Variants in TAF3 observed in about 807,000 individuals in gnomAD.
The protein encoded by TAF3 is TATA-box binding protein associated factor 3, also known as transcription initiation factor TFIID subunit 3.
In TAF3, 7 loss-of-function variants were observed where a neutral mutation model predicts 80.6. The observed-to-expected ratio is 0.09, with a 90% CI of 0.05 to 0.16. TAF3 has a LOEUF of 0.16. TAF3 is among the 10% of genes least tolerant of loss of function. TAF3 has a pLI of 1.00. For synonymous variants in TAF3, 444 were observed against 446.1 expected, an observed-to-expected ratio of 1.00 and a Z score of 0.06; for missense variants, 921 against 1,140.2, an observed-to-expected ratio of 0.81 and a Z score of 2.77.
intron 2 of TAF3, among the ~76,000 whole-genome samples, chr10:7,929,259 G>GTTTT (rs35565870): frequency 6.8e-6 from 1 of 147,510 alleles, no homozygotes. Flanking sequence ...TTTTTTTGTT[G>GTTTT]TTTTTTTTTT....
chr10:8,007,196 A>G (rs11255477), intron 4 of TAF3, among the ~76,000 whole-genome samples: 11,207 of 152,224 alleles, frequency 0.074, 665 homozygotes, highest in African/African-American at 0.14. Context: ...ATGGAATACA[A>G]TATAGTAATT....
At chr10:7,977,427 C>T (rs1463614207) in intron 4 of TAF3, 104 bp downstream of exon 4, 1 of 1,009,160 alleles carries the variant, frequency 9.9e-7, no homozygotes, top group East Asian at 2.5e-5. Flanking sequence ...AGGTATGAAC[C>T]TGTAGGGTCA....
chr10:7,947,860 A>G (rs963869572), intron 2 of TAF3, among the ~76,000 whole-genome samples: 5 of 152,176 alleles, frequency 3.3e-5, no homozygotes, highest in African/African-American at 1.2e-4. Context: ...AGCCTCATCC[A>G]TCACATGGCT....
rs373176829 is a variant in TAF3 at position 7,977,236 on chromosome 10, C to T, written c.2233-5C>T. The T allele has an allele frequency of 3.4e-5, 55 of 1,613,926 alleles. No individual in the cohort carries two copies. The highest frequency in any genetic ancestry group is 4.4e-5 in the Non-Finnish European group (52 of 1,179,984). ...TATTGAACTTTAATGTGCTAACTTCCACAGATAAAAGTGGAACCAGTCGCT... is the reference window on the plus strand; with the variant it reads ...TATTGAACTTTAATGTGCTAACTTCTACAGATAAAAGTGGAACCAGTCGCT... On this transcript the variant is annotated splice_polypyrimidine_tract_variant and splice_region_variant and intron_variant, in intron 3 of 6. Transcript: ENST00000344293.
intron 2 of TAF3, among the ~76,000 whole-genome samples, chr10:7,881,191 ATAAC>A (rs146750831): frequency 0.2 from 30,852 of 151,056 alleles, 3,234 homozygotes; most frequent in Middle Eastern, 0.29. Context: ...AGCCATGAGT[ATAAC>A]TAACACTGCA....
At chr10:7,886,776 G>A (rs750632740) in intron 2 of TAF3, among the ~76,000 whole-genome samples, 4 of 152,104 alleles carry the variant, frequency 2.6e-5, no homozygotes, top group Non-Finnish European at 5.9e-5. Context: ...ATGCACTTTC[G>A]TATTTCTGTA....
At chr10:7,905,024 G>A (rs753765553) in intron 2 of TAF3, among the ~76,000 whole-genome samples, 18 of 152,030 alleles carry the variant, frequency 1.2e-4, no homozygotes, top group South Asian at 2.1e-4. Context: ...TCTTGTATCC[G>A]TGTCTCTTTG....
At chr10:7,829,905 A>G (rs1836781589) in intron 2 of TAF3, among the ~76,000 whole-genome samples, 1 of 152,190 alleles carries the variant, frequency 6.6e-6, no homozygotes, top group Admixed American at 6.5e-5. Context: ...TAAGATTTCT[A>G]TTTTTATTAT....
chr10:7,956,349 T>C (rs1399419823), intron 2 of TAF3, among the ~76,000 whole-genome samples: 2 of 151,868 alleles, frequency 1.3e-5, no homozygotes, highest in South Asian at 2.1e-4. Flanking sequence ...TAGCCAGACA[T>C]AGTGGCACGT....
In TAF3 at chr10:7,818,737, T is replaced by C; in HGVS notation, c.28T>C (p.Leu10=). Residue 10 remains leucine, a synonymous_variant, in exon 1 of 7, where the codon TTG becomes CTG. Transcript: ENST00000344293. ...GTGCGAGAGTTACTCCAGGTCGTTGTTGAGGGTCTCGGTGGCGCAGATCTG... is the reference window on the plus strand; with the variant it reads ...GTGCGAGAGTTACTCCAGGTCGTTGCTGAGGGTCTCGGTGGCGCAGATCTG... MCESYSRSL[L]RVSVAQICQA... is the part of the protein sequence containing the mutation. 6.2e-7 allele frequency: 1 copy of C among 1,606,130 alleles called. No homozygotes were observed. The highest frequency in any genetic ancestry group is 8.5e-7 in the Non-Finnish European group (1 of 1,178,192).
At chr10:7,851,985 T>C (rs1045274768) in intron 2 of TAF3, among the ~76,000 whole-genome samples, 1 of 151,832 alleles carries the variant, frequency 6.6e-6, no homozygotes, top group African/African-American at 2.4e-5. Flanking sequence ...CGTCTTGTCA[T>C]GTTGCCCAGG....
chr10:7,973,291 G>T (rs1478004681), intron 3 of TAF3, among the ~76,000 whole-genome samples: 1 of 152,174 alleles, frequency 6.6e-6, no homozygotes, highest in African/African-American at 2.4e-5. Context: ...TTAAAGGTAG[G>T]TCAAACAGCT....
At chr10:7,836,513 A>G (rs1836853786) in intron 2 of TAF3, among the ~76,000 whole-genome samples, 1 of 152,080 alleles carries the variant, frequency 6.6e-6, no homozygotes, top group Admixed American at 6.6e-5. Flanking sequence ...ACCTTGGGTG[A>G]TCTGCCCACC....
At chr10:7,853,106 A>G (rs193243727) in intron 2 of TAF3, among the ~76,000 whole-genome samples, 100 of 152,334 alleles carry the variant, frequency 6.6e-4, no homozygotes, top group Non-Finnish European at 9.3e-4. Context: ...GTGAGTTGGC[A>G]AATGTTGTTT....
intron 2 of TAF3, among the ~76,000 whole-genome samples, chr10:7,916,921 C>T (rs1198182995): frequency 6.6e-6 from 1 of 152,154 alleles, no homozygotes; most frequent in African/African-American, 2.4e-5. Flanking sequence ...GGTTCGTACT[C>T]AATTATTTTC....
At chr10:7,888,792 T>A (rs1837433533) in intron 2 of TAF3, among the ~76,000 whole-genome samples, 1 of 152,218 alleles carries the variant, frequency 6.6e-6, no homozygotes, top group Non-Finnish European at 1.5e-5. Context: ...ATTAGCCACG[T>A]TGTGCTTTTA....
At chr10:7,976,191 G>T (rs1304416422) in intron 3 of TAF3, among the ~76,000 whole-genome samples, 4 of 151,970 alleles carry the variant, frequency 2.6e-5, no homozygotes, top group Admixed American at 1.3e-4. Flanking sequence ...GGCAGCCATT[G>T]CCTTCACCAC....
At chr10:7,972,034 G>T (rs1831627871) in intron 3 of TAF3, among the ~76,000 whole-genome samples, 1 of 152,150 alleles carries the variant, frequency 6.6e-6, no homozygotes, top group Non-Finnish European at 1.5e-5. Context: ...ATGCTCTTCT[G>T]TGTGCCCCAA....
At chr10:7,842,543 A>G (rs569408519) in intron 2 of TAF3, among the ~76,000 whole-genome samples, 34 of 152,316 alleles carry the variant, frequency 2.2e-4, no homozygotes, top group Non-Finnish European at 3.8e-4. Flanking sequence ...AGATTAAACA[A>G]TAACCTTAAA....
Sources: gnomAD v4.1 joint callset for allele counts (sites outside exome capture counted in the v4.1 genomes callset) on GRCh38, gnomAD v4.1.1 for gene constraint, MANE v1.5 for transcripts, NCBI Gene and HGNC (gene_info 2026-07-23, HGNC 2026-07-21) for gene names.